NBEA: variants seen among roughly 807,000 people sequenced by gnomAD.
NBEA encodes the protein neurobeachin.
In NBEA, 44 loss-of-function variants were observed where a neutral mutation model predicts 343.4. That is an observed-to-expected ratio of 0.13 (90% CI 0.10 to 0.16). The LOEUF (loss-of-function observed/expected upper bound fraction) is 0.16. Among genes scored for constraint, NBEA ranks in the 10% least tolerant of loss-of-function variants. The pLI, the probability that NBEA is intolerant of heterozygous loss-of-function variation, is 1.00. For missense variants in NBEA, 2,555 were observed against 3,631.3 expected (o/e 0.70, Z 7.62); for synonymous variants, 1,175 against 1,238.7 (o/e 0.95, Z 1.08).
At chr13:35,319,830 C>G (rs1485582385) in intron 36 of NBEA, among the ~76,000 whole-genome samples, 1 of 151,936 alleles carries the variant, frequency 6.6e-6, no homozygotes, top group Non-Finnish European at 1.5e-5. Context: ...GCATTGATCC[C>G]TTTACCATTA....
chr13:35,568,920 G>A (rs1396278511), intron 45 of NBEA, among the ~76,000 whole-genome samples: 2 of 152,168 alleles, frequency 1.3e-5, no homozygotes, highest in African/African-American at 4.8e-5. Context: ...TTTACCAGCT[G>A]TGGAGCTTTA....
At chr13:35,550,618 A>G (rs762296928) in intron 42 of NBEA, 24 bp downstream of exon 42, 1 of 1,411,352 alleles carries the variant, frequency 7.1e-7, no homozygotes, top group East Asian at 2.3e-5. Context: ...ATATTTTGAA[A>G]GAAAATGTGC....
chr13:35,648,519 T>C (rs780410998), intron 51 of NBEA, among the ~76,000 whole-genome samples: 9 of 152,174 alleles, frequency 5.9e-5, no homozygotes, highest in Non-Finnish European at 1.2e-4. Context: ...ATCCTGGAGA[T>C]ATGCCCAGTC....
chr13:35,650,985 T>C (rs2084491990), intron 52 of NBEA, among the ~76,000 whole-genome samples: 1 of 152,212 alleles, frequency 6.6e-6, no homozygotes, highest in African/African-American at 2.4e-5. Context: ...TTATTGGTGA[T>C]ATTATCAACG....
chr13:35,547,761 C>T (rs2079126700), intron 41 of NBEA, among the ~76,000 whole-genome samples: 1 of 152,036 alleles, frequency 6.6e-6, no homozygotes, highest in Admixed American at 6.6e-5. Flanking sequence ...TAATGGCACG[C>T]ATCTGTAATT....
At chr13:35,480,684 T>C (rs1594773017) in intron 41 of NBEA, among the ~76,000 whole-genome samples, 1 of 152,028 alleles carries the variant, frequency 6.6e-6, no homozygotes, top group South Asian at 2.1e-4. Context: ...TCTTTTTTTT[T>C]AAATGCACCC....
At chr13:35,213,607 G>A (rs1168043129) in intron 33 of NBEA, among the ~76,000 whole-genome samples, 1 of 144,096 alleles carries the variant, frequency 6.9e-6, no homozygotes, top group Admixed American at 6.9e-5. Flanking sequence ...ATTTCCTTAG[G>A]TGTTCTTATT....
chr13:35,223,695 T>G (rs1593819463), intron 33 of NBEA, among the ~76,000 whole-genome samples: 1 of 152,174 alleles, frequency 6.6e-6, no homozygotes, highest in South Asian at 2.1e-4. Flanking sequence ...AAATTCTCAC[T>G]CAATATCTCT....
At chr13:35,588,120 A>G (rs12428248) in intron 46 of NBEA, among the ~76,000 whole-genome samples, 16,413 of 152,056 alleles carry the variant, frequency 0.11, 1,094 homozygotes, top group African/African-American at 0.19. Flanking sequence ...TTCAGAGTGT[A>G]TTTTATATTT....
chr13:34,977,256 C>G (rs1298151267), intron 1 of NBEA, among the ~76,000 whole-genome samples: 1 of 151,074 alleles, frequency 6.6e-6, no homozygotes, highest in Non-Finnish European at 1.5e-5. Flanking sequence ...ATTACCTTTG[C>G]TTATATACTT....
At chr13:34,988,859 T>C (rs532343904) in intron 1 of NBEA, among the ~76,000 whole-genome samples, 1 of 151,222 alleles carries the variant, frequency 6.6e-6, no homozygotes, top group Non-Finnish European at 1.5e-5. Context: ...AAACAGCATG[T>C]AGCTGAGTCT....
intron 18 of NBEA, among the ~76,000 whole-genome samples, chr13:35,148,833 A>G (rs951812611): frequency 6.6e-6 from 1 of 152,188 alleles, no homozygotes; most frequent in African/African-American, 2.4e-5. Flanking sequence ...AATCTGTTGT[A>G]GCTCAGAAGC....
intron 1 of NBEA, among the ~76,000 whole-genome samples, chr13:35,028,838 G>A (rs1357564914): frequency 6.6e-6 from 1 of 150,766 alleles, no homozygotes. Context: ...AACTTGGCCT[G>A]TTTTAGATAT....
At chr13:35,649,014 TTAAAA>T (rs1321387566) in intron 51 of NBEA, among the ~76,000 whole-genome samples, 1 of 151,668 alleles carries the variant, frequency 6.6e-6, no homozygotes, top group African/African-American at 2.4e-5. Flanking sequence ...ATCCTGGAAC[TTAAAA>T]TAATTAAAAA....
At chr13:34,948,817 T>C (rs994311614) in intron 1 of NBEA, among the ~76,000 whole-genome samples, 1 of 152,186 alleles carries the variant, frequency 6.6e-6, no homozygotes, top group African/African-American at 2.4e-5. Context: ...TTTTGGGGTC[T>C]TTGATACAAT....
intron 11 of NBEA, 99 bp from the exon 12 acceptor site, chr13:35,109,191 A>G: frequency 9.9e-7 from 1 of 1,011,750 alleles, no homozygotes; most frequent in Non-Finnish European, 1.4e-6. Context: ...TTTATTAGGG[A>G]TAGCATATGA....
chr13:35,305,644 A>G (rs1014470401), intron 35 of NBEA, among the ~76,000 whole-genome samples: 1 of 152,138 alleles, frequency 6.6e-6, no homozygotes, highest in African/African-American at 2.4e-5. Context: ...ATTGCAACAT[A>G]GTATGACTCC....
chr13:35,605,069 A>G (rs376275759), intron 47 of NBEA, among the ~76,000 whole-genome samples: 1 of 152,212 alleles, frequency 6.6e-6, no homozygotes. Context: ...AAAAACCTTT[A>G]CTGTATGCAT....
At chr13:35,403,800 C>A (rs2043117516) in intron 38 of NBEA, among the ~76,000 whole-genome samples, 1 of 152,022 alleles carries the variant, frequency 6.6e-6, no homozygotes, top group South Asian at 2.1e-4. Flanking sequence ...AAAGAAACTA[C>A]CATCAGAGTG....
Sources: gnomAD v4.1 joint callset for allele counts (sites outside exome capture counted in the v4.1 genomes callset) on GRCh38, gnomAD v4.1.1 for gene constraint, MANE v1.5 for transcripts, NCBI Gene and HGNC (gene_info 2026-07-23, HGNC 2026-07-21) for gene names.